Variants in VPS13A observed in about 807,000 individuals in gnomAD.
VPS13A encodes the protein vacuolar protein sorting 13 homolog A.
VPS13A carries 264 observed loss-of-function variants against 390.9 expected under a neutral mutation model. The observed-to-expected ratio is 0.68, with a 90% CI of 0.61 to 0.75. The LOEUF (loss-of-function observed/expected upper bound fraction) is 0.75, where lower values mean the gene tolerates loss of function less well. Among genes scored for constraint, VPS13A ranks in the 30% least tolerant of loss-of-function variants. The pLI is 0.00. For missense variants in VPS13A, 3,409 were observed against 3,733.9 expected, an observed-to-expected ratio of 0.91 and a Z score of 2.27; for synonymous variants, 1,231 against 1,227.1, an observed-to-expected ratio of 1.00 and a Z score of -0.07.
chr9:77,220,108 T>G, intron 11 of VPS13A, 27 bp downstream of exon 11: 1 of 1,583,460 alleles, frequency 6.3e-7, no homozygotes, highest in Non-Finnish European at 8.6e-7. Flanking sequence ...TAATTTTCAA[T>G]TGTGAATTAT....
At position 77,366,921 on chromosome 9, in the gene VPS13A, A is replaced by G; in HGVS notation, c.8471+49A>G. 4 of 1,583,628 alleles carry G rather than the reference A, an allele frequency of 2.5e-6. 1 individual carries two copies. The highest frequency in any genetic ancestry group is 1.7e-4 in the Middle Eastern group (1 of 5,774). The stretch of plus-strand genomic sequence containing the variant: ...AAATTGATGGAAATATTTCTATTTT[A>G]TATGTCCCTAAAAATTTCGTAAATG... On this transcript the variant is annotated intron_variant, in intron 61 of 71. Coordinates refer to ENST00000360280, the MANE Select transcript of VPS13A (RefSeq NM_033305.3).
intron 9 of VPS13A, among the ~76,000 whole-genome samples, 181 bp downstream of exon 9, chr9:77,213,495 A>T (rs1278590543): frequency 6.9e-6 from 1 of 144,270 alleles, no homozygotes; most frequent in African/African-American, 2.6e-5. Context: ...ATACCCCCAT[A>T]TCTTTTTTTT....
intron 68 of VPS13A, among the ~76,000 whole-genome samples, chr9:77,395,049 C>T (rs1834065831): frequency 1.3e-5 from 2 of 152,176 alleles, no homozygotes; most frequent in South Asian, 4.1e-4. Context: ...TGGAGTAACA[C>T]TTTCATAATA....
At chr9:77,196,460 G>C (rs1004203067) in intron 1 of VPS13A, among the ~76,000 whole-genome samples, 3 of 152,014 alleles carry the variant, frequency 2.0e-5, no homozygotes, top group African/African-American at 2.4e-5. Flanking sequence ...TATTCTCATT[G>C]ACCAATCTTT....
At chr9:77,290,627 C>T (rs944464679) in intron 31 of VPS13A, among the ~76,000 whole-genome samples, 1 of 151,850 alleles carries the variant, frequency 6.6e-6, no homozygotes, top group Admixed American at 6.6e-5. Context: ...AAGTTTTTTC[C>T]CCATTGTTTT....
At chr9:77,283,964 C>CTTTTTTTTTTTTTT (rs779066797) in intron 31 of VPS13A, among the ~76,000 whole-genome samples, 1 of 129,626 alleles carries the variant, frequency 7.7e-6, no homozygotes, top group Non-Finnish European at 1.7e-5. Context: ...ACCTTTTTCA[C>CTTTTTTTTTTTTTT]TTTTTTTTTT....
chr9:77,269,244 A>G (rs911713128), intron 23 of VPS13A, among the ~76,000 whole-genome samples: 1 of 152,042 alleles, frequency 6.6e-6, no homozygotes, highest in Non-Finnish European at 1.5e-5. Context: ...TAATTTTTCT[A>G]TATGGTGCTT....
intron 68 of VPS13A, among the ~76,000 whole-genome samples, chr9:77,402,093 A>G (rs1243232926): frequency 6.6e-6 from 1 of 152,110 alleles, no homozygotes; most frequent in Non-Finnish European, 1.5e-5. Flanking sequence ...ATCTGTATGT[A>G]TGTCCCTTTT....
intron 31 of VPS13A, among the ~76,000 whole-genome samples, chr9:77,286,917 C>T (rs11145372): frequency 0.28 from 42,085 of 151,772 alleles, 6,142 homozygotes; most frequent in Middle Eastern, 0.36. Flanking sequence ...CACTTTTTAA[C>T]ATGGTGTTTT....
chr9:77,391,699 G>T (rs1045880943), intron 68 of VPS13A, among the ~76,000 whole-genome samples: 1 of 152,182 alleles, frequency 6.6e-6, no homozygotes, highest in Admixed American at 6.5e-5. Flanking sequence ...TTATGAAGAT[G>T]CAGTGTTGGA....
chr9:77,219,824 G>T (rs1823085596), intron 10 of VPS13A, 130 bp from the exon 11 acceptor site: 3 of 899,284 alleles, frequency 3.3e-6, no homozygotes, highest in Non-Finnish European at 5.3e-6. Context: ...AACCATGGCA[G>T]TGTGAACATC....
chr9:77,261,178 C>T (rs1370924888), intron 23 of VPS13A, among the ~76,000 whole-genome samples: 2 of 152,014 alleles, frequency 1.3e-5, no homozygotes, highest in Non-Finnish European at 2.9e-5. Flanking sequence ...GGATTACAGG[C>T]GTGAACCACC....
At chr9:77,302,414 C>G (rs530977301) in intron 33 of VPS13A, among the ~76,000 whole-genome samples, 29 of 126,466 alleles carry the variant, frequency 2.3e-4, no homozygotes, top group Non-Finnish European at 4.4e-4. Flanking sequence ...GCTCTGTTGA[C>G]CAGGCTGGAG....
At position 77,238,001 on chromosome 9, in the gene VPS13A, G is replaced by C; in HGVS notation, c.1596-1G>C. 1.9e-6 allele frequency: 3 copies of C among 1,589,952 alleles called. No individual in the cohort carries two copies. The highest frequency in any genetic ancestry group is 2.6e-6 in the Non-Finnish European group (3 of 1,163,172). The stretch of plus-strand genomic sequence containing the variant: ...ACTTTTTTCTTTTTTTTTTAATGCA[G>C]ATTTGAAACTAAAATAGATTCATTT... On this transcript the variant is annotated splice_acceptor_variant, in intron 17 of 71. Coordinates refer to ENST00000360280, the MANE Select transcript of VPS13A (RefSeq NM_033305.3). LOFTEE classifies it high-confidence loss of function.
Position 77,228,129 on chromosome 9 carries a change from C to G in VPS13A, c.1460C>G (p.Ala487Gly), listed in dbSNP as rs771098657. 1.0e-5 allele frequency: 16 copies of G among 1,597,732 alleles called. No individual in the cohort carries two copies. In the Admixed American group the frequency reaches 2.7e-4, roughly 27 times the overall value. The change falls in exon 17 of 72, where the codon GCC (alanine) becomes GGC (glycine). Residue 487 changes from alanine to glycine, a missense_variant. Ala to Gly is a moderately conservative substitution (Grantham distance 60, BLOSUM62 0). Around this residue, in one of 5 missense-constraint regions of VPS13A, gnomAD observed 2,717 missense variants for 2,917.4 expected, o/e 0.93. Coordinates refer to ENST00000360280, the MANE Select transcript of VPS13A (RefSeq NM_033305.3). ...VDPTLLKTFEALKFFVHLKSM... is the reference protein window; with the variant it reads ...VDPTLLKTFEGLKFFVHLKSM... ...CTTCTGAATATACCTTAGTTTGAAGCCTTGAAGTTTTTTGTCCACTTGAAA... is the reference window on the plus strand; with the variant it reads ...CTTCTGAATATACCTTAGTTTGAAGGCTTGAAGTTTTTTGTCCACTTGAAA...
At chr9:77,295,401 A>G in intron 32 of VPS13A, 141 bp from the exon 33 acceptor site, 1 of 658,230 alleles carries the variant, frequency 1.5e-6, no homozygotes, top group Non-Finnish European at 2.3e-6. Context: ...TAATATAGAC[A>G]GTAAGATTTT....
intron 50 of VPS13A, among the ~76,000 whole-genome samples, chr9:77,342,897 C>A (rs1477521687): frequency 6.6e-6 from 1 of 152,140 alleles, no homozygotes; most frequent in African/African-American, 2.4e-5. Flanking sequence ...GATTGTCTCA[C>A]CGTCTAGGAA....
intron 67 of VPS13A, among the ~76,000 whole-genome samples, chr9:77,375,067 G>T (rs373988534): frequency 3.9e-5 from 6 of 152,100 alleles, no homozygotes; most frequent in African/African-American, 1.4e-4. Flanking sequence ...TAAATATAAT[G>T]TGTTGAGTCG....
chr9:77,233,393 G>A (rs1460014998), intron 17 of VPS13A, among the ~76,000 whole-genome samples: 13 of 151,122 alleles, frequency 8.6e-5, no homozygotes, highest in Admixed American at 8.6e-4. Context: ...TTTGTTTTCT[G>A]TATTTCATTT....
Sources: gnomAD v4.1 joint callset for allele counts (sites outside exome capture counted in the v4.1 genomes callset) on GRCh38, gnomAD v4.1.1 for gene constraint, gnomAD v4.1.1 regional missense constraint, MANE v1.5 for transcripts, NCBI Gene and HGNC (gene_info 2026-07-23, HGNC 2026-07-21) for gene names.